The following DYNC2I1 variants were observed in gnomAD, a reference collection of about 807,000 sequenced individuals.
DYNC2I1 encodes dynein 2 intermediate chain 1.
A neutral mutation model predicts 133.4 loss-of-function variants in DYNC2I1; 89 were observed. The observed-to-expected ratio is 0.67, with a 90% CI of 0.56 to 0.80. The LOEUF is 0.80. DYNC2I1 is among the 30% of genes least tolerant of loss of function. The probability of loss-of-function intolerance (pLI) is 0.00; values close to 1 mark genes in which losing one functional copy is unlikely to be tolerated. For synonymous variants in DYNC2I1, 504 were observed against 484.3 expected (o/e 1.04, Z -0.54); for missense variants, 1,291 against 1,314.5 (o/e 0.98, Z 0.28).
upstream of DYNC2I1, among the ~76,000 whole-genome samples, chr7:158,852,850 T>C (rs896481548): frequency 1.3e-5 from 2 of 152,176 alleles, no homozygotes; most frequent in African/African-American, 4.8e-5. Flanking sequence ...GCTTAAAAGG[T>C]TTTAACAATG....
intron 7 of DYNC2I1, among the ~76,000 whole-genome samples, chr7:158,888,615 A>G (rs1435132617): frequency 6.6e-6 from 1 of 151,876 alleles, no homozygotes; most frequent in Non-Finnish European, 1.5e-5. Flanking sequence ...GATCACAGGC[A>G]TGCGCCACCA....
At chr7:158,867,780 A>G (rs1584962186) in intron 1 of DYNC2I1, among the ~76,000 whole-genome samples, 3 of 152,122 alleles carry the variant, frequency 2.0e-5, no homozygotes, top group African/African-American at 7.2e-5. Flanking sequence ...TCCTTGTGCT[A>G]TGGCGTCTCC....
intron 24 of DYNC2I1, among the ~76,000 whole-genome samples, chr7:158,943,791 C>T (rs1366169792): frequency 6.6e-6 from 1 of 152,168 alleles, no homozygotes; most frequent in Non-Finnish European, 1.5e-5. Flanking sequence ...GTGCTAGGGA[C>T]CTCAGCTTCA....
downstream of DYNC2I1, among the ~76,000 whole-genome samples, chr7:158,949,611 A>G (rs569579422): frequency 6.8e-6 from 1 of 146,472 alleles, no homozygotes; most frequent in Non-Finnish European, 1.5e-5. Context: ...CGAGCCGCAC[A>G]GACGGCGCAG....
chr7:158,881,904 T>C (rs922400975), intron 5 of DYNC2I1, among the ~76,000 whole-genome samples: 15 of 152,354 alleles, frequency 9.8e-5, no homozygotes, highest in African/African-American at 3.6e-4. Flanking sequence ...GCTACTTGCC[T>C]TTTATTGAAC....
the DYNC2I1 span, among the ~76,000 whole-genome samples, chr7:158,848,374 G>A: frequency 6.6e-6 from 1 of 152,090 alleles, no homozygotes; most frequent in African/African-American, 2.4e-5. Context: ...GGGTAAAAGG[G>A]CCCATTTTAC....
intron 11 of DYNC2I1, among the ~76,000 whole-genome samples, chr7:158,910,734 G>A (rs1847355238): frequency 6.7e-6 from 1 of 148,326 alleles, no homozygotes; most frequent in South Asian, 2.2e-4. Flanking sequence ...ACGATTAGAG[G>A]GCAGTTGGCT....
chr7:158,874,118 C>T (rs7776895), intron 3 of DYNC2I1, among the ~76,000 whole-genome samples: 1 of 152,058 alleles, frequency 6.6e-6, no homozygotes, highest in Non-Finnish European at 1.5e-5. Context: ...GTTGCCCAGG[C>T]TGGTCTTGAA....
intron 3 of DYNC2I1, among the ~76,000 whole-genome samples, chr7:158,874,764 A>T (rs1843199806): frequency 6.6e-6 from 1 of 151,644 alleles, no homozygotes; most frequent in Non-Finnish European, 1.5e-5. Flanking sequence ...CCAAGTTTTT[A>T]CCCCCAGCTG....
At position 158,946,025 on chromosome 7, in the gene DYNC2I1, T is replaced by C. The variant is rs983235375; in HGVS notation, c.*246T>C. 6 of 362,508 alleles carry C rather than the reference T, an allele frequency of 1.7e-5. No individual in the cohort carries two copies. The Admixed American group carries it at 2.1e-4, about 13-fold the overall frequency. The allele number at this position is 362,508 out of a possible 1,614,324, so 22.5% of individuals were successfully genotyped here. A position where few individuals can be genotyped will look rare whatever the true frequency, so the allele number is the denominator to read the frequency against. ...GAATGTAGAGCCACGTCCAGGGTGCTCTTTTCTGAGAGTATTTCGAGTTAT... is the reference window on the plus strand; with the variant it reads ...GAATGTAGAGCCACGTCCAGGGTGCCCTTTTCTGAGAGTATTTCGAGTTAT... On this transcript the variant is annotated 3_prime_UTR_variant, in exon 25 of 25. Transcript: ENST00000407559.
intron 19 of DYNC2I1, among the ~76,000 whole-genome samples, 173 bp downstream of exon 19, chr7:158,926,636 G>A (rs986539533): frequency 6.6e-6 from 1 of 152,256 alleles, no homozygotes; most frequent in African/African-American, 2.4e-5. Context: ...CACATGGCAG[G>A]TTTGGGGCCC....
chr7:158,856,449 A>G, upstream of DYNC2I1: 2 of 361,486 alleles, frequency 5.5e-6, no homozygotes, highest in East Asian at 4.0e-5. Flanking sequence ...GAGCCGGGGA[A>G]GCGCAGGCGC....
intron 1 of DYNC2I1, among the ~76,000 whole-genome samples, chr7:158,857,535 T>G (rs927656135): frequency 8.2e-6 from 1 of 121,502 alleles, no homozygotes; most frequent in African/African-American, 4.3e-5. Flanking sequence ...AAACCTTAGG[T>G]TTTTGTTTTT....
intron 10 of DYNC2I1, among the ~76,000 whole-genome samples, chr7:158,905,483 T>G (rs890184646): frequency 6.6e-6 from 1 of 152,230 alleles, no homozygotes; most frequent in African/African-American, 2.4e-5. Context: ...TCCATCAGCC[T>G]GACAATTCAA....
intron 23 of DYNC2I1, among the ~76,000 whole-genome samples, chr7:158,941,146 C>T (rs1851317110): frequency 6.6e-6 from 1 of 152,124 alleles, no homozygotes; most frequent in Non-Finnish European, 1.5e-5. Flanking sequence ...GGAGATACAA[C>T]AACTGAGCCC....
chr7:158,869,886 A>C lies in DYNC2I1; in HGVS notation c.47A>C (p.Asp16Ala), dbSNP rs1290110353. The C allele has an allele frequency of 1.2e-6, 2 of 1,613,588 alleles. No homozygotes were observed. The highest frequency in any genetic ancestry group is 2.2e-5 in the South Asian group (2 of 91,060). ...RRTKDDTWKADDLRKHLWAIQ... is the reference protein window; with the variant it reads ...RRTKDDTWKAADLRKHLWAIQ... ...ACCAAAGATGATACCTGGAAAGCAGATGACCTCAGAAAACATCTCTGGGTA... is the reference window on the plus strand; with the variant it reads ...ACCAAAGATGATACCTGGAAAGCAGCTGACCTCAGAAAACATCTCTGGGTA... Residue 16 changes from aspartate to alanine, a missense_variant, in exon 2 of 25, where the codon GAT becomes GCT. By Grantham distance (126) the Asp-to-Ala change is moderately radical. Transcript: ENST00000407559.
chr7:158,915,056 A>G lies in DYNC2I1; in HGVS notation c.1791+735A>G, dbSNP rs62476467. On this transcript the variant is annotated intron_variant, in intron 14 of 24. Transcript: ENST00000407559. Reference sequence around the variant, plus strand: ...GAACGTTGTGAAACCTCAACACGCTAGTTGAGATTAAGGATGATTGTGAAA... The same window carrying G: ...GAACGTTGTGAAACCTCAACACGCTGGTTGAGATTAAGGATGATTGTGAAA... Among the ~76,000 whole-genome samples the G allele has an allele frequency of 5.0e-3, 636 of 128,050 alleles. 2 individuals are homozygous for G. Among genetic ancestry groups the G allele is most frequent in the African/African-American group, 0.013 (507 of 38,576 alleles). 84.0% of individuals were successfully genotyped at this position (128,050 alleles called of 152,430 possible). A position where few individuals can be genotyped will look rare whatever the true frequency, so the allele number is the denominator to read the frequency against.
chr7:158,889,650 C>T (rs550243651), intron 7 of DYNC2I1, among the ~76,000 whole-genome samples: 3 of 151,786 alleles, frequency 2.0e-5, no homozygotes, highest in South Asian at 2.1e-4. Flanking sequence ...GCCAGATGTT[C>T]GAGACCAGCC....
intron 21 of DYNC2I1, among the ~76,000 whole-genome samples, chr7:158,933,583 G>T (rs540658447): frequency 8.5e-5 from 13 of 152,350 alleles, no homozygotes; most frequent in African/African-American, 3.1e-4. Flanking sequence ...AAGCTGAGTG[G>T]GTGTGTGGGA....
Sources: gnomAD v4.1 joint callset for allele counts (sites outside exome capture counted in the v4.1 genomes callset) on GRCh38, gnomAD v4.1.1 for gene constraint, MANE v1.5 for transcripts, NCBI Gene and HGNC (gene_info 2026-07-23, HGNC 2026-07-21) for gene names.